SUPT20H: variants seen among roughly 807,000 people sequenced by gnomAD.
The protein encoded by SUPT20H is transcription factor SPT20 homolog.
SUPT20H carries 82 observed loss-of-function variants against 122.8 expected under a neutral mutation model. The ratio of observed to expected loss-of-function variants is 0.67; its 90% CI spans 0.56 to 0.80. The LOEUF is 0.80. SUPT20H is among the 30% of genes least tolerant of loss of function. SUPT20H has a pLI of 0.00. For synonymous variants in SUPT20H, 291 were observed against 313.0 expected (o/e 0.93, Z 0.74); for missense variants, 831 against 921.6 (o/e 0.90, Z 1.27).
intron 6 of SUPT20H, among the ~76,000 whole-genome samples, chr13:37,044,671 C>A (rs373699591): frequency 9.1e-4 from 138 of 152,232 alleles, no homozygotes; most frequent in Middle Eastern, 6.8e-3. Flanking sequence ...TAAATTTTTA[C>A]ACCTCTTTAA....
intron 9 of SUPT20H, chr13:37,039,848 A>G (rs1436744608): frequency 6.6e-6 from 1 of 152,236 alleles, no homozygotes; most frequent in Non-Finnish European, 1.5e-5. Flanking sequence ...ATTTACAAGC[A>G]TCTTGAACTT....
At position 37,047,543 on chromosome 13, in the gene SUPT20H, C is replaced by T; in HGVS notation, c.157G>A (p.Glu53Lys). 1 of 1,446,196 alleles carries T rather than the reference C, an allele frequency of 6.9e-7. No homozygotes were observed. Among genetic ancestry groups the T allele is most frequent in the Non-Finnish European group, 9.2e-7 (1 of 1,085,258 alleles). The allele number at this position is 1,446,196 out of a possible 1,614,324, so 89.6% of individuals were successfully genotyped here. The change falls in exon 5 of 26, where the codon GAA (glutamate) becomes AAA (lysine). Residue 53 changes from glutamate (E) to lysine (K), a missense_variant. Coordinates refer to ENST00000350612, the MANE Select transcript of SUPT20H (RefSeq NM_001014286.3). ...TAAAAATGTATACTTACCTTAACTT[C>T]AGGTTCTTTTTCACATTCTTCAATA... is the stretch of plus-strand genomic sequence containing the variant. ...LYIEECEKEP[E>K]VKKLRRNVNL...
At chr13:37,052,007 T>TA (rs1368316350) in intron 1 of SUPT20H, among the ~76,000 whole-genome samples, 8 of 151,898 alleles carry the variant, frequency 5.3e-5, no homozygotes, top group African/African-American at 9.7e-5. Context: ...TGTCTGCTGA[T>TA]AAAAAATCCT....
In SUPT20H at chr13:37,058,353, T is replaced by C. The variant is rs562422386; in HGVS notation, c.-94+1206A>G. Among the ~76,000 whole-genome samples the C allele has an allele frequency of 1.1e-4, 16 of 152,080 alleles. No homozygotes were observed. The South Asian group carries it at 3.1e-3, about 30-fold the overall frequency. On this transcript the variant is annotated intron_variant, in intron 1 of 25. Transcript: ENST00000350612. ...ATGATTTACGATCATTTACAATGAG[T>C]AAGATATTACTCCTACCCTTGAAAA... is the stretch of plus-strand genomic sequence containing the variant.
chr13:37,025,501 T>C, intron 16 of SUPT20H, 64 bp from the exon 17 acceptor site: 1 of 1,118,142 alleles, frequency 8.9e-7, no homozygotes, highest in Non-Finnish European at 1.3e-6. Flanking sequence ...ATTTATTTTA[T>C]AGGAAAGAAT....
chr13:37,012,526 G>A (rs1028315288), intron 23 of SUPT20H: 6 of 346,226 alleles, frequency 1.7e-5, no homozygotes, highest in Admixed American at 8.7e-5. Flanking sequence ...ATTGTTTAAT[G>A]CTACCTAGAT....
intron 1 of SUPT20H, among the ~76,000 whole-genome samples, chr13:37,057,795 G>A (rs1272990568): frequency 2.6e-5 from 4 of 151,864 alleles, no homozygotes; most frequent in African/African-American, 7.3e-5. Flanking sequence ...ACAACATGGC[G>A]AAACCCCGTC....
In SUPT20H at chr13:37,022,314, G is replaced by A; in HGVS notation, c.1592-234C>T. The A allele has an allele frequency of 7.5e-7, 1 of 1,333,422 alleles. No homozygotes were observed. The highest frequency in any genetic ancestry group is 2.8e-5 in the East Asian group (1 of 35,612). The allele number at this position is 1,333,422 out of a possible 1,614,324, so 82.6% of individuals were successfully genotyped here. A position where few individuals can be genotyped will look rare whatever the true frequency, so the allele number is the denominator to read the frequency against. ...AGGAGTAGATGGCTTAGGAGTTCCA[G>A]ATCCTGCTCATTGAGAAAAATAAAA... On this transcript the variant is annotated intron_variant, in intron 19 of 25. Transcript: ENST00000350612. This position sits in a 1 kb window ranked among gnomAD's most constrained non-coding sequence, Gnocchi z 4.5.
Position 37,022,176 on chromosome 13 carries a change from A to G in SUPT20H, c.1592-96T>C, listed in dbSNP as rs1369129038. 1 of 1,612,794 alleles carries G rather than the reference A, an allele frequency of 6.2e-7. No individual in the cohort carries two copies. Among genetic ancestry groups the G allele is most frequent in the African/African-American group, 1.3e-5 (1 of 74,910 alleles). Reference sequence around the variant, plus strand: ...TTGCTGCTGAGCAAACTGAGTTAACAAAGTGGGCTGAGGGGTGAAGCCTGA... The same window carrying G: ...TTGCTGCTGAGCAAACTGAGTTAACGAAGTGGGCTGAGGGGTGAAGCCTGA... On this transcript the variant is annotated intron_variant, in intron 19 of 25. Coordinates refer to ENST00000350612, the MANE Select transcript of SUPT20H (RefSeq NM_001014286.3). This position sits in a 1 kb window ranked among gnomAD's most constrained non-coding sequence, Gnocchi z 4.5.
chr13:37,021,092 T>G (rs2061402224), intron 21 of SUPT20H, among the ~76,000 whole-genome samples: 1 of 152,248 alleles, frequency 6.6e-6, no homozygotes, highest in Admixed American at 6.5e-5. Flanking sequence ...ATCCAGGCTC[T>G]TAACTGCGAT....
At chr13:37,055,781 C>G (rs1364147053) in intron 1 of SUPT20H, among the ~76,000 whole-genome samples, 2 of 152,140 alleles carry the variant, frequency 1.3e-5, no homozygotes, top group South Asian at 2.1e-4. Context: ...TCTAATTAAA[C>G]TAAAGAGCTT....
In SUPT20H at chr13:37,010,273, C is replaced by A. The variant is rs552955989; in HGVS notation, c.2202+279G>T. 1.6e-4 allele frequency among the ~76,000 whole-genome samples: 24 copies of A among 152,248 alleles called. No individual in the cohort carries two copies. In the South Asian group the frequency reaches 1.7e-3, roughly 11 times the overall value. ...TTAGAAAGTTAACAATTGGCACTTACAACTGTCTTTCAAAATATACTGCAT... is the reference window on the plus strand; with the variant it reads ...TTAGAAAGTTAACAATTGGCACTTAAAACTGTCTTTCAAAATATACTGCAT... On this transcript the variant is annotated intron_variant, in intron 25 of 25. Transcript: ENST00000350612.
At chr13:37,012,125 C>A in intron 24 of SUPT20H, 67 bp downstream of exon 24, 1 of 1,230,976 alleles carries the variant, frequency 8.1e-7, no homozygotes, top group Non-Finnish European at 1.2e-6. Flanking sequence ...ATAATTTAAG[C>A]GGTGAGATCC....
chr13:37,019,021 T>A (rs1386823699), intron 22 of SUPT20H, among the ~76,000 whole-genome samples: 3 of 152,118 alleles, frequency 2.0e-5, no homozygotes, highest in African/African-American at 4.8e-5. Flanking sequence ...ACATAAAACA[T>A]CTGTTGGGAA....
chr13:37,019,495 T>C lies in SUPT20H; in HGVS notation c.1817-98A>G, dbSNP rs2061120381. 1.0e-5 allele frequency: 8 copies of C among 763,118 alleles called. No homozygotes were observed. The South Asian group carries it at 1.9e-4, about 19-fold the overall frequency. The allele number at this position is 763,118 out of a possible 1,614,324, so 47.3% of individuals were successfully genotyped here. A position where few individuals can be genotyped will look rare whatever the true frequency, so the allele number is the denominator to read the frequency against. On this transcript the variant is annotated intron_variant, in intron 21 of 25. Coordinates refer to ENST00000350612, the MANE Select transcript of SUPT20H (RefSeq NM_001014286.3). ...TATATAAGTACAATAATTTTATGTATTCTCTGCATAGATGTGCTTATTTTC... is the reference window on the plus strand; with the variant it reads ...TATATAAGTACAATAATTTTATGTACTCTCTGCATAGATGTGCTTATTTTC...
chr13:37,059,192 T>C (rs2070038592), intron 1 of SUPT20H: 1 of 152,264 alleles, frequency 6.6e-6, no homozygotes. Flanking sequence ...ACTTAGGCTT[T>C]ACCTGTACAA....
intron 13 of SUPT20H, 84 bp from the exon 14 acceptor site, chr13:37,028,389 C>G (rs1040819710): frequency 6.4e-6 from 8 of 1,257,196 alleles, no homozygotes; most frequent in Non-Finnish European, 8.9e-6. Flanking sequence ...ATAAATGATA[C>G]AGTAACATGT....
At chr13:37,037,242 T>C (rs939805984) in intron 9 of SUPT20H, among the ~76,000 whole-genome samples, 7 of 151,136 alleles carry the variant, frequency 4.6e-5, no homozygotes, top group African/African-American at 1.7e-4. Flanking sequence ...CAACAGTAGG[T>C]ATTAGTAGTT....
chr13:37,009,782 C>A lies in SUPT20H; in HGVS notation c.2230G>T (p.Ala744Ser), dbSNP rs1388342479. Residue 744 changes from alanine to serine, a missense_variant, in exon 26 of 26, where the codon GCT becomes TCT. Transcript: ENST00000350612. ...GTTTGTGCTGCTGCTGCTGCCATAG[C>A]CATTTGATGCTGCAAGAATCGCAAC... ...QQLRFLQHQM[A>S]MAAAAAQTAQ... 2.5e-6 allele frequency: 4 copies of A among 1,611,738 alleles called. No homozygotes were observed. The African/African-American group carries it at 5.4e-5, about 22-fold the overall frequency.
Sources: allele counts gnomAD v4.1 joint callset (sites outside exome capture counted in the v4.1 genomes callset), GRCh38; gene constraint gnomAD v4.1.1; non-coding constraint Gnocchi (gnomAD v3.1); transcripts MANE v1.5; gene names NCBI Gene and HGNC (gene_info 2026-07-23, HGNC 2026-07-21).